The following B9D1 variants were observed in gnomAD, a reference collection of about 807,000 sequenced individuals.
B9D1 encodes the protein B9 domain-containing protein 1.
A neutral mutation model predicts 26.1 loss-of-function variants in B9D1; 20 were observed. The ratio of observed to expected loss-of-function variants is 0.77; its 90% CI spans 0.54 to 1.12. The LOEUF (loss-of-function observed/expected upper bound fraction) is 1.12, where lower values mean the gene tolerates loss of function less well. Among genes scored for constraint, B9D1 ranks in the 50% most tolerant of loss-of-function variants. B9D1 has a pLI of 0.00. For missense variants in B9D1, 260 were observed against 273.7 expected (o/e 0.95, Z 0.35); for synonymous variants, 105 against 103.1 (o/e 1.02, Z -0.11).
upstream of B9D1, among the ~76,000 whole-genome samples, chr17:19,366,758 G>C (rs574114457): frequency 6.6e-6 from 1 of 152,300 alleles, no homozygotes; most frequent in Admixed American, 6.5e-5. Flanking sequence ...GAAATGCCTG[G>C]TGCAGGCACT....
In B9D1 at chr17:19,347,430, G is replaced by C; in HGVS notation, c.342-99C>G. 1 of 1,412,150 alleles carries C rather than the reference G, an allele frequency of 7.1e-7. No individual in the cohort carries two copies. The highest frequency in any genetic ancestry group is 9.9e-7 in the Non-Finnish European group (1 of 1,005,442). 87.5% of individuals were successfully genotyped at this position (1,412,150 alleles called of 1,614,324 possible). On this transcript the variant is annotated intron_variant, in intron 4 of 6. Coordinates refer to ENST00000261499, the MANE Select transcript of B9D1 (RefSeq NM_015681.6). The surrounding 1 kb of genome is among the most constrained non-coding windows in gnomAD (Gnocchi z 4.3). ...CAGATCAGGCCAGTGCAGCTGCAGC[G>C]TGGGCCAAGTCAGGGCCAATGTCAA...
At chr17:19,350,281 C>T (rs968190189) in intron 3 of B9D1, among the ~76,000 whole-genome samples, 1 of 152,010 alleles carries the variant, frequency 6.6e-6, no homozygotes, top group African/African-American at 2.4e-5. Context: ...CGCGGTGGCT[C>T]ACACCTGTAA....
At chr17:19,362,727 G>A, upstream of B9D1, 2 of 1,526,332 alleles carry the variant, frequency 1.3e-6, no homozygotes, top group Non-Finnish European at 1.8e-6. Flanking sequence ...GGCATGCGCA[G>A]GCGCAGTGAA....
At chr17:19,367,617 G>A (rs78455857), upstream of B9D1, among the ~76,000 whole-genome samples, 1,131 of 152,238 alleles carry the variant, frequency 7.4e-3, 56 homozygotes, top group East Asian at 0.12. Context: ...CGGCCAATCA[G>A]CCATTTTTTA....
downstream of B9D1, among the ~76,000 whole-genome samples, chr17:19,340,565 C>T (rs1267079879): frequency 6.6e-6 from 1 of 150,848 alleles, no homozygotes; most frequent in African/African-American, 2.4e-5. Context: ...GGATCACCTG[C>T]GGTCCGGAGT....
intron 5 of B9D1, among the ~76,000 whole-genome samples, 195 bp from the exon 6 acceptor site, chr17:19,344,052 G>A (rs1235180048): frequency 6.6e-6 from 1 of 152,338 alleles, no homozygotes; most frequent in South Asian, 2.1e-4. Context: ...CCCTTGCCGA[G>A]GTCACACAGC....
intron 3 of B9D1, among the ~76,000 whole-genome samples, chr17:19,349,154 A>G (rs1228323050): frequency 6.6e-6 from 1 of 152,148 alleles, no homozygotes; most frequent in Non-Finnish European, 1.5e-5. Flanking sequence ...TCTGTACCTC[A>G]CGAAAACATG....
intron 1 of B9D1, among the ~76,000 whole-genome samples, chr17:19,374,906 G>C (rs1912038490): frequency 6.6e-6 from 1 of 152,182 alleles, no homozygotes; most frequent in Non-Finnish European, 1.5e-5. Flanking sequence ...GGTAATATCT[G>C]TATCTGTAAA....
Position 19,347,854 on chromosome 17 carries a change from C to T in B9D1, c.271G>A (p.Gly91Arg), listed in dbSNP as rs1238280587. 2 of 1,614,152 alleles carry T rather than the reference C, an allele frequency of 1.2e-6. No individual in the cohort carries two copies. Among genetic ancestry groups the T allele is most frequent in the Non-Finnish European group, 1.7e-6 (2 of 1,180,040 alleles). The change falls in exon 4 of 7, where the codon GGA becomes AGA. Residue 91 changes from glycine (G) to arginine (R), a missense_variant. Coordinates refer to ENST00000261499, the MANE Select transcript of B9D1 (RefSeq NM_015681.6). This position sits in a 1 kb window ranked among gnomAD's most constrained non-coding sequence, Gnocchi z 4.3. ...ACATCGTTCCCGAACACATCTGGTC[C>T]ATACACGCTGAGCACGATCTGTGGC... ...GWPQIVLSVY[G>R]PDVFGNDVVR... is the part of the protein sequence containing the mutation.
rs1197988928 is a variant in B9D1, at chr17:19,359,985, G to C, written c.132+335C>G. ...AGGTCCTCCCCACTGGCTGAGGAGA[G>C]GCCAAATGGTGAGCGGACTGGCCAG... On this transcript the variant is annotated intron_variant, in intron 2 of 6. Transcript: ENST00000261499. The surrounding 1 kb of genome is among the most constrained non-coding windows in gnomAD (Gnocchi z 5.0). Among the ~76,000 whole-genome samples the C allele has an allele frequency of 6.6e-6, 1 of 152,192 alleles. No homozygotes were observed. The highest frequency in any genetic ancestry group is 1.5e-5 in the Non-Finnish European group (1 of 68,042).
intron 1 of B9D1, 42 bp from the exon 2 acceptor site, chr17:19,360,430 C>G (rs1372034394): frequency 6.3e-7 from 1 of 1,578,738 alleles, no homozygotes; most frequent in East Asian, 2.2e-5. Flanking sequence ...GGTATTCATG[C>G]TGAGGCCAAT....
chr17:19,370,754 T>C lies in B9D1; in HGVS notation c.-298+7105A>G, dbSNP rs1315310498. Among the ~76,000 whole-genome samples the C allele has an allele frequency of 6.6e-6, 1 of 152,206 alleles. No homozygotes were observed. Among genetic ancestry groups the C allele is most frequent in the Non-Finnish European group, 1.5e-5 (1 of 68,026 alleles). ...CACCCAGCCAGGCCTCTGGAAGCCA[T>C]GGGCAGCCACTTCCCAGATGCGGCT... On this transcript the variant is annotated intron_variant, in intron 1 of 5. Coordinates refer to the B9D1 transcript ENST00000477478. The surrounding 1 kb of genome is among the most constrained non-coding windows in gnomAD (Gnocchi z 5.1).
At chr17:19,374,828 AC>A (rs1243121450) in intron 1 of B9D1, among the ~76,000 whole-genome samples, 5 of 152,246 alleles carry the variant, frequency 3.3e-5, no homozygotes, top group Admixed American at 6.5e-5. Context: ...AAGTGAAAAG[AC>A]GATCTGAGAA....
At position 19,347,898 on chromosome 17, in the gene B9D1, A is replaced by C; in HGVS notation, c.245-18T>G. ...CTGTGGCCCTTGGGAAGGACAAGGC[A>C]GGGGGTGGGCACATGAGGACACACA... On this transcript the variant is annotated intron_variant, in intron 3 of 6. Transcript: ENST00000261499. This position sits in a 1 kb window ranked among gnomAD's most constrained non-coding sequence, Gnocchi z 4.3. 18 of 1,610,546 alleles carry C rather than the reference A, an allele frequency of 1.1e-5. No homozygotes were observed. Among genetic ancestry groups the C allele is most frequent in the Non-Finnish European group, 1.4e-5 (17 of 1,177,012 alleles).
At chr17:19,353,565 G>A (rs910844823) in intron 3 of B9D1, among the ~76,000 whole-genome samples, 7 of 151,292 alleles carry the variant, frequency 4.6e-5, no homozygotes, top group South Asian at 2.1e-4. Flanking sequence ...ATTTGAACCC[G>A]GGAGGCAGGT....
intron 5 of B9D1, among the ~76,000 whole-genome samples, chr17:19,345,956 A>G (rs1567885499): frequency 6.6e-6 from 1 of 152,244 alleles, no homozygotes; most frequent in Non-Finnish European, 1.5e-5. Flanking sequence ...CCAAGCACAT[A>G]CTGCCTTGCC....
chr17:19,335,523 G>T (rs1409935485), downstream of B9D1: 1 of 1,515,170 alleles, frequency 6.6e-7, no homozygotes, highest in Non-Finnish European at 8.9e-7. Context: ...TAAAGATGGG[G>T]ATAATGTGGA....
downstream of B9D1, chr17:19,335,548 C>A: frequency 7.0e-7 from 1 of 1,436,542 alleles, no homozygotes; most frequent in Non-Finnish European, 9.4e-7. Context: ...GCAGTTGTCC[C>A]GAGGGCGTGG....
In B9D1 at chr17:19,347,106, C is replaced by T. The variant is rs1390141229; in HGVS notation, c.404+163G>A. ...GCTGCTGGAACAGGGCTGAAGGGAGCCCCGTGACTCAGCACTCCCAGGGGA... is the reference window on the plus strand; with the variant it reads ...GCTGCTGGAACAGGGCTGAAGGGAGTCCCGTGACTCAGCACTCCCAGGGGA... On this transcript the variant is annotated intron_variant, in intron 5 of 6. Coordinates refer to ENST00000261499, the MANE Select transcript of B9D1 (RefSeq NM_015681.6). The surrounding 1 kb of genome is among the most constrained non-coding windows in gnomAD (Gnocchi z 4.3). The T allele has an allele frequency of 1.9e-6, 3 of 1,568,310 alleles. No homozygotes were observed. The highest frequency in any genetic ancestry group is 2.6e-6 in the Non-Finnish European group (3 of 1,156,368).
Sources: gnomAD v4.1 joint callset for allele counts (sites outside exome capture counted in the v4.1 genomes callset) on GRCh38, gnomAD v4.1.1 for gene constraint, Gnocchi (gnomAD v3.1) non-coding constraint, MANE v1.5 for transcripts, NCBI Gene and HGNC (gene_info 2026-07-23, HGNC 2026-07-21) for gene names.